SLC9A9: variants seen among roughly 807,000 people sequenced by gnomAD.
SLC9A9 encodes the protein sodium/hydrogen exchanger 9.
Under a neutral mutation model 77.8 loss-of-function variants are expected in SLC9A9, and 62 were observed. The observed-to-expected ratio is 0.80, with a 90% CI of 0.65 to 0.98. The LOEUF is 0.98. SLC9A9 is among the 50% of genes least tolerant of loss of function. The probability of loss-of-function intolerance (pLI) is 0.00; values close to 1 mark genes in which losing one functional copy is unlikely to be tolerated. For missense variants in SLC9A9, 775 were observed against 774.9 expected (o/e 1.00, Z 0.00); for synonymous variants, 320 against 283.5 (o/e 1.13, Z -1.29).
intron 6 of SLC9A9, among the ~76,000 whole-genome samples, chr3:143,649,989 T>C (rs1413468740): frequency 6.6e-6 from 1 of 152,082 alleles, no homozygotes; most frequent in Non-Finnish European, 1.5e-5. Flanking sequence ...AATATATATG[T>C]AAATCCAATG....
At chr3:143,603,285 G>A (rs114477045) in intron 6 of SLC9A9, among the ~76,000 whole-genome samples, 7 of 152,168 alleles carry the variant, frequency 4.6e-5, no homozygotes, top group Admixed American at 4.6e-4. Flanking sequence ...ATGCTTCCAG[G>A]TTACTGTGGT....
Position 143,832,043 on chromosome 3 carries a change from A to G in SLC9A9, c.354T>C (p.His118=). Residue 118 remains histidine, a synonymous_variant, in exon 2 of 16, where the codon CAT becomes CAC. Coordinates refer to ENST00000316549, the MANE Select transcript of SLC9A9 (RefSeq NM_173653.4). ...CCTTTTCAAGTATAGCATTTCCTTG[A>G]TGAGGATTGATGTTGTGCTGACTTA... is the stretch of plus-strand genomic sequence containing the variant. The part of the protein sequence containing the change: ...REISQHNINP[H]QGNAILEKMT... 2.5e-6 allele frequency: 4 copies of G among 1,612,748 alleles called. No homozygotes were observed. The highest frequency in any genetic ancestry group is 3.4e-6 in the Non-Finnish European group (4 of 1,179,308).
chr3:143,550,180 A>T (rs1423437809), intron 9 of SLC9A9, among the ~76,000 whole-genome samples: 1 of 152,150 alleles, frequency 6.6e-6, no homozygotes, highest in Non-Finnish European at 1.5e-5. Context: ...CTTCAAAGTA[A>T]GCTTTCAGGA....
intron 4 of SLC9A9, among the ~76,000 whole-genome samples, chr3:143,701,238 C>T (rs1018176269): frequency 4.6e-5 from 7 of 152,102 alleles, no homozygotes; most frequent in African/African-American, 1.7e-4. Context: ...CTGTTAAATG[C>T]CCAGACAAAG....
chr3:143,274,099 A>G (rs1937975428), intron 14 of SLC9A9, among the ~76,000 whole-genome samples: 1 of 152,198 alleles, frequency 6.6e-6, no homozygotes, highest in Non-Finnish European at 1.5e-5. Flanking sequence ...TTGGGAGTGG[A>G]TTAACAAATG....
At chr3:143,604,727 C>T (rs1033684148) in intron 6 of SLC9A9, among the ~76,000 whole-genome samples, 6 of 152,174 alleles carry the variant, frequency 3.9e-5, no homozygotes, top group African/African-American at 1.4e-4. Flanking sequence ...ACTTTTTCCA[C>T]ATTAGGTACT....
intron 2 of SLC9A9, among the ~76,000 whole-genome samples, chr3:143,808,138 A>T (rs2008773001): frequency 6.6e-6 from 1 of 152,266 alleles, no homozygotes; most frequent in South Asian, 2.1e-4. Context: ...GTAGTAAGAA[A>T]GCCTAAGGTC....
At chr3:143,449,592 TATAATTATATAAAATATA>T (rs1438264445) in intron 12 of SLC9A9, among the ~76,000 whole-genome samples, 1 of 39,626 alleles carries the variant, frequency 2.5e-5, no homozygotes, top group Non-Finnish European at 3.9e-5. Flanking sequence ...TTATATAAAA[TATAATTATATAAAATATA>T]ATAATTATAT....
Position 143,498,133 on chromosome 3 carries a change from G to A in SLC9A9, c.1090-2685C>T, listed in dbSNP as rs538263780. ...AATCTAACACTTCCCAGCATTACAA[G>A]TAACTGTGTACATACACATAGTACA... On this transcript the variant is annotated intron_variant, in intron 9 of 15. Transcript: ENST00000316549. Among the ~76,000 whole-genome samples the A allele has an allele frequency of 2.0e-5, 3 of 152,300 alleles. No individual in the cohort carries two copies. The East Asian group carries it at 5.8e-4, about 29-fold the overall frequency.
chr3:143,666,159 G>T (rs1177643689), intron 5 of SLC9A9, among the ~76,000 whole-genome samples: 1 of 152,170 alleles, frequency 6.6e-6, no homozygotes, highest in Non-Finnish European at 1.5e-5. Flanking sequence ...CTTCATCCCT[G>T]GGATGCAAGG....
At chr3:143,536,415 C>T (rs1276023154) in intron 9 of SLC9A9, among the ~76,000 whole-genome samples, 5 of 152,218 alleles carry the variant, frequency 3.3e-5, no homozygotes, top group African/African-American at 1.2e-4. Context: ...TTTTCACTAA[C>T]TGGCACCTAT....
intron 6 of SLC9A9, among the ~76,000 whole-genome samples, chr3:143,650,354 T>C (rs1251669552): frequency 2.0e-5 from 3 of 152,208 alleles, no homozygotes; most frequent in Non-Finnish European, 4.4e-5. Context: ...AATACGTGTG[T>C]GTAAATAGAT....
chr3:143,816,245 C>A (rs538396453), intron 2 of SLC9A9, among the ~76,000 whole-genome samples: 1 of 152,046 alleles, frequency 6.6e-6, no homozygotes, highest in South Asian at 2.1e-4. Context: ...GCTTTGTTGC[C>A]CAGGCTGGAG....
rs1333354223 is a variant in SLC9A9, at chr3:143,606,432, CTCTCTATATA to C, written c.756-27719_756-27710del. ...TCTCTCTCTCTCTCTCTCTCTCTCT[CTCTCTATATA>C]TATATATATATATATATATGTATAT... On this transcript the variant is annotated intron_variant, in intron 6 of 15. Transcript: ENST00000316549. Among the ~76,000 whole-genome samples the C allele has an allele frequency of 5.7e-3, 332 of 58,680 alleles. 2 individuals are homozygous for C. Among genetic ancestry groups the C allele is most frequent in the Non-Finnish European group, 7.7e-3 (243 of 31,550 alleles). 38.5% of individuals were successfully genotyped at this position (58,680 alleles called of 152,430 possible).
intron 5 of SLC9A9, among the ~76,000 whole-genome samples, chr3:143,664,208 G>A (rs1265299181): frequency 6.6e-6 from 1 of 152,150 alleles, no homozygotes; most frequent in Non-Finnish European, 1.5e-5. Flanking sequence ...TTTCAACCCA[G>A]AATCTCATAT....
intron 6 of SLC9A9, among the ~76,000 whole-genome samples, chr3:143,591,284 A>G (rs2037640096): frequency 6.6e-6 from 1 of 152,226 alleles, no homozygotes; most frequent in Non-Finnish European, 1.5e-5. Context: ...CTTCGGTTCA[A>G]GTTATCTTTG....
chr3:143,561,953 G>A, intron 8 of SLC9A9, among the ~76,000 whole-genome samples: 1 of 152,108 alleles, frequency 6.6e-6, no homozygotes, highest in Non-Finnish European at 1.5e-5. Flanking sequence ...CTGCATCAAG[G>A]AAAGCAGGTA....
At chr3:143,330,338 C>A (rs556250011) in intron 14 of SLC9A9, among the ~76,000 whole-genome samples, 5 of 152,304 alleles carry the variant, frequency 3.3e-5, no homozygotes, top group Non-Finnish European at 7.4e-5. Context: ...ACATTCAACA[C>A]TGGGGACAGC....
At chr3:143,399,678 A>G (rs141272613) in intron 12 of SLC9A9, among the ~76,000 whole-genome samples, 1 of 152,278 alleles carries the variant, frequency 6.6e-6, no homozygotes, top group East Asian at 1.9e-4. Flanking sequence ...AATGAAAGTT[A>G]ATTGGATGCT....
Sources: gnomAD v4.1 joint callset for allele counts (sites outside exome capture counted in the v4.1 genomes callset) on GRCh38, gnomAD v4.1.1 for gene constraint, MANE v1.5 for transcripts, NCBI Gene and HGNC (gene_info 2026-07-23, HGNC 2026-07-21) for gene names.